Variants in CNTLN observed in about 807,000 individuals in gnomAD.
CNTLN encodes the protein centlein, centrosomal protein.
CNTLN carries 212 observed loss-of-function variants against 180.0 expected under a neutral mutation model. That is an observed-to-expected ratio of 1.18 (90% CI 1.05 to 1.32). The LOEUF (loss-of-function observed/expected upper bound fraction) is 1.32, where lower values mean the gene tolerates loss of function less well. Ranked by LOEUF, CNTLN falls within the 40% of genes most tolerant of loss-of-function variation. CNTLN has a pLI of 0.00. For missense variants in CNTLN, 2,095 were observed against 1,610.9 expected (o/e 1.30, Z -5.14); for synonymous variants, 722 against 563.1 (o/e 1.28, Z -3.99).
intron 2 of CNTLN, among the ~76,000 whole-genome samples, chr9:17,206,430 GC>G (rs1417172890): frequency 1.3e-5 from 2 of 152,150 alleles, no homozygotes; most frequent in Non-Finnish European, 2.9e-5. Context: ...GCTTACCACA[GC>G]CCAAGGAGGG....
Position 17,388,189 on chromosome 9 carries a change from A to G in CNTLN, c.2015A>G (p.Asp672Gly), listed in dbSNP as rs1183904041. The change falls in exon 14 of 26, where the codon GAT becomes GGT. Residue 672 changes from aspartate (D) to glycine (G), a missense_variant. By Grantham distance (94) the Asp-to-Gly change is moderately conservative. Coordinates refer to ENST00000380647, the MANE Select transcript of CNTLN (RefSeq NM_017738.4). The stretch of plus-strand genomic sequence containing the variant: ...CAGCTCTTTAGATCTGGTGAAGATG[A>G]TGAGGTCAAGAGGAGTACTCCAGAG... ...EEQLFRSGED[D>G]EVKRSTPEKN... is the part of the protein sequence containing the mutation. 2 of 1,611,830 alleles carry G rather than the reference A, an allele frequency of 1.2e-6. No individual in the cohort carries two copies.
intron 2 of CNTLN, among the ~76,000 whole-genome samples, chr9:17,183,079 A>C: frequency 6.6e-6 from 1 of 152,184 alleles, no homozygotes; most frequent in East Asian, 1.9e-4. Flanking sequence ...CTAGTAGTTA[A>C]GTGTATCTGT....
intron 6 of CNTLN, among the ~76,000 whole-genome samples, chr9:17,296,824 T>C (rs614412): frequency 0.2 from 30,294 of 152,094 alleles, 3,722 homozygotes; most frequent in African/African-American, 0.34. Flanking sequence ...GCAGGGGTTG[T>C]GGTTGTGGTT....
chr9:17,302,281 C>G (rs1818425156), intron 7 of CNTLN, among the ~76,000 whole-genome samples: 5 of 151,934 alleles, frequency 3.3e-5, no homozygotes, highest in Admixed American at 2.6e-4. Context: ...ACTGCAACCT[C>G]TGCCTCCCAG....
At chr9:17,306,212 C>T (rs932941782) in intron 7 of CNTLN, among the ~76,000 whole-genome samples, 60 of 147,654 alleles carry the variant, frequency 4.1e-4, no homozygotes, top group Admixed American at 9.7e-4. Flanking sequence ...TGCAATGGCA[C>T]GATCTCATCT....
intron 2 of CNTLN, among the ~76,000 whole-genome samples, chr9:17,198,377 C>G (rs1487322216): frequency 3.1e-5 from 4 of 127,372 alleles, no homozygotes; most frequent in Non-Finnish European, 6.7e-5. Context: ...CATGGAATGT[C>G]TTTTCTTTCT....
intron 8 of CNTLN, 84 bp from the exon 9 acceptor site, chr9:17,330,548 A>T: frequency 1.4e-6 from 1 of 725,884 alleles, no homozygotes; most frequent in Non-Finnish European, 2.1e-6. Flanking sequence ...TTTCTATAAT[A>T]TAGTGTTACA....
intron 18 of CNTLN, among the ~76,000 whole-genome samples, chr9:17,439,947 G>A: frequency 6.6e-6 from 1 of 152,136 alleles, no homozygotes; most frequent in East Asian, 1.9e-4. Context: ...TGTTATTTAA[G>A]CCATGCAGTC....
chr9:17,316,825 T>TG (rs1554687266), intron 8 of CNTLN, among the ~76,000 whole-genome samples: 2 of 152,042 alleles, frequency 1.3e-5, no homozygotes, highest in Non-Finnish European at 2.9e-5. Context: ...GTGCTTACCC[T>TG]GGGGGGGATT....
At chr9:17,200,993 T>G (rs1046191493) in intron 2 of CNTLN, among the ~76,000 whole-genome samples, 3 of 152,226 alleles carry the variant, frequency 2.0e-5, no homozygotes, top group Non-Finnish European at 4.4e-5. Flanking sequence ...CTTGTTATTT[T>G]GCGATACGTT....
At chr9:17,426,101 TTATGCCAGGAGCA>T (rs1389325135) in intron 18 of CNTLN, among the ~76,000 whole-genome samples, 1 of 152,156 alleles carries the variant, frequency 6.6e-6, no homozygotes, top group Non-Finnish European at 1.5e-5. Flanking sequence ...AGAGATTGGA[TTATGCCAGGAGCA>T]ACCAGCTGGG....
chr9:17,381,123 C>T (rs1161244006), intron 13 of CNTLN, among the ~76,000 whole-genome samples: 1 of 152,210 alleles, frequency 6.6e-6, no homozygotes, highest in Non-Finnish European at 1.5e-5. Context: ...GTCTACTAGG[C>T]CTTGCATTAT....
Position 17,448,141 on chromosome 9 carries a change from T to A in CNTLN, c.3115-9383T>A, listed in dbSNP as rs573708800. The A allele has an allele frequency of 3.0e-4, 62 of 208,096 alleles. No individual in the cohort carries two copies. The East Asian group carries it at 5.4e-3, about 18-fold the overall frequency. The allele number at this position is 208,096 out of a possible 1,614,324, so 12.9% of individuals were successfully genotyped here. On this transcript the variant is annotated intron_variant, in intron 18 of 25. Transcript: ENST00000380647. ...CCCTTCATTGTTTCCAACCATGGTG[T>A]TTTAACTGCCCATTAATTTCCTTAA...
At position 17,223,229 on chromosome 9, in the gene CNTLN, C is replaced by T. The variant is rs572644918; in HGVS notation, c.450-2974C>T. On this transcript the variant is annotated intron_variant, in intron 2 of 25. Transcript: ENST00000380647. ...GCTTATGGATTGTTTATTTCTGGAA[C>T]TTATCATTTAATATTTTTGGATCAC... Among the ~76,000 whole-genome samples, 6 of 151,994 alleles carry T rather than the reference C, an allele frequency of 3.9e-5. No individual in the cohort carries two copies. The South Asian group carries it at 6.2e-4, about 16-fold the overall frequency.
chr9:17,470,249 T>C (rs1831982414), intron 23 of CNTLN, among the ~76,000 whole-genome samples: 1 of 151,892 alleles, frequency 6.6e-6, no homozygotes, highest in Admixed American at 6.6e-5. Flanking sequence ...TTATAGTCAC[T>C]GCTCAAATGG....
chr9:17,205,022 A>C (rs929990990), intron 2 of CNTLN, among the ~76,000 whole-genome samples: 4 of 152,180 alleles, frequency 2.6e-5, no homozygotes, highest in Non-Finnish European at 5.9e-5. Context: ...CATTCATTGC[A>C]GGTGCCCCTC....
chr9:17,171,475 G>T (rs983102636), intron 2 of CNTLN, among the ~76,000 whole-genome samples: 1 of 152,202 alleles, frequency 6.6e-6, no homozygotes, highest in South Asian at 2.1e-4. Flanking sequence ...CCAAGGCTGC[G>T]TGTGTTACAA....
chr9:17,186,776 A>G (rs981161165), intron 2 of CNTLN, among the ~76,000 whole-genome samples: 2 of 152,164 alleles, frequency 1.3e-5, no homozygotes, highest in African/African-American at 2.4e-5. Context: ...GATCCTCCAT[A>G]TATGGATAGT....
chr9:17,266,086 G>C (rs1037576796), intron 5 of CNTLN, among the ~76,000 whole-genome samples: 4 of 151,846 alleles, frequency 2.6e-5, no homozygotes, highest in African/African-American at 4.8e-5. Flanking sequence ...GCTAGCTTTT[G>C]AATGTGTTTG....
Sources: gnomAD v4.1 joint callset for allele counts (sites outside exome capture counted in the v4.1 genomes callset) on GRCh38, gnomAD v4.1.1 for gene constraint, MANE v1.5 for transcripts, NCBI Gene and HGNC (gene_info 2026-07-23, HGNC 2026-07-21) for gene names.